ASIC2: variants seen among roughly 807,000 people sequenced by gnomAD.
The protein encoded by ASIC2 is acid sensing ion channel subunit 2.
A neutral mutation model predicts 57.3 loss-of-function variants in ASIC2; 25 were observed. The observed-to-expected ratio is 0.44, with a 90% confidence interval of 0.32 to 0.61. The LOEUF (loss-of-function observed/expected upper bound fraction) is 0.61, where lower values mean the gene tolerates loss of function less well. Ranked by LOEUF, ASIC2 falls within the 20% of genes least tolerant of loss-of-function variation. The pLI is 0.06. For missense variants in ASIC2, 641 were observed against 738.1 expected (o/e 0.87, Z 1.52); for synonymous variants, 319 against 307.5 (o/e 1.04, Z -0.39).
chr17:33,888,332 T>G (rs540205451), intron 1 of ASIC2, among the ~76,000 whole-genome samples: 1 of 151,902 alleles, frequency 6.6e-6, no homozygotes, highest in African/African-American at 2.4e-5. Flanking sequence ...AGTGTGGGGG[T>G]GCTGCAAGCT....
chr17:33,349,506 C>T (rs1908077916), intron 1 of ASIC2, among the ~76,000 whole-genome samples: 1 of 152,152 alleles, frequency 6.6e-6, no homozygotes, highest in Admixed American at 6.5e-5. Flanking sequence ...GATGCCCTAC[C>T]AGGCCACCTT....
chr17:33,393,809 T>TAAGAGTCC (rs1480567011), intron 1 of ASIC2, among the ~76,000 whole-genome samples: 1 of 152,160 alleles, frequency 6.6e-6, no homozygotes, highest in Non-Finnish European at 1.5e-5. Flanking sequence ...CCATGATGTC[T>TAAGAGTCC]AAGAGTCCAA....
intron 1 of ASIC2, among the ~76,000 whole-genome samples, chr17:33,711,212 G>T (rs1909023856): frequency 6.6e-6 from 1 of 152,204 alleles, no homozygotes; most frequent in East Asian, 1.9e-4. Flanking sequence ...GCCCAGCCTG[G>T]AGCCCATTCT....
intron 1 of ASIC2, among the ~76,000 whole-genome samples, chr17:34,095,528 T>C (rs1910485589): frequency 6.6e-6 from 1 of 150,848 alleles, no homozygotes; most frequent in South Asian, 2.1e-4. Flanking sequence ...TAATTTTCCA[T>C]GATGCTTTAT....
chr17:33,765,468 C>T (rs1245480623), intron 1 of ASIC2, among the ~76,000 whole-genome samples: 1 of 152,144 alleles, frequency 6.6e-6, no homozygotes, highest in Non-Finnish European at 1.5e-5. Flanking sequence ...ACAAACCAAC[C>T]TTATCAACCC....
intron 1 of ASIC2, among the ~76,000 whole-genome samples, chr17:34,057,073 C>CATTT (rs1270176257): frequency 1.3e-5 from 2 of 152,286 alleles, no homozygotes; most frequent in East Asian, 3.9e-4. Context: ...TCTATTCATT[C>CATTT]ATTTATTCAT....
chr17:33,262,435 G>A (rs1302861852), intron 1 of ASIC2, among the ~76,000 whole-genome samples: 1 of 151,702 alleles, frequency 6.6e-6, no homozygotes, highest in Non-Finnish European at 1.5e-5. Context: ...AGGAGGAAGG[G>A]AGGGAGGAAG....
upstream of ASIC2, among the ~76,000 whole-genome samples, chr17:33,295,527 C>T (rs1905687783): frequency 6.6e-6 from 1 of 152,200 alleles, no homozygotes; most frequent in Admixed American, 6.5e-5. Flanking sequence ...CCCAGACAAA[C>T]TTGGGTCATG....
intron 1 of ASIC2, among the ~76,000 whole-genome samples, chr17:33,803,562 T>G (rs1912189903): frequency 6.6e-6 from 1 of 151,858 alleles, no homozygotes; most frequent in African/African-American, 2.4e-5. Flanking sequence ...AAAGCCCTGG[T>G]TAAGACCAAC....
chr17:33,939,948 G>A (rs1452295000), intron 1 of ASIC2, among the ~76,000 whole-genome samples: 1 of 152,156 alleles, frequency 6.6e-6, no homozygotes, highest in East Asian at 1.9e-4. Flanking sequence ...CAGGGTATCG[G>A]TCATCTCATC....
At chr17:33,772,313 T>C (rs1346737939) in intron 1 of ASIC2, among the ~76,000 whole-genome samples, 8 of 152,218 alleles carry the variant, frequency 5.3e-5, no homozygotes, top group Non-Finnish European at 4.4e-5. Context: ...TGCTGGGTTT[T>C]CCTAAGCAGT....
At chr17:33,147,110 G>A (rs1904594486) in intron 1 of ASIC2, among the ~76,000 whole-genome samples, 1 of 152,132 alleles carries the variant, frequency 6.6e-6, no homozygotes, top group South Asian at 2.1e-4. Flanking sequence ...GTAAGGCTAG[G>A]TAAACTGGAC....
At chr17:33,539,380 C>T (rs1915335261) in intron 1 of ASIC2, among the ~76,000 whole-genome samples, 1 of 152,254 alleles carries the variant, frequency 6.6e-6, no homozygotes, top group African/African-American at 2.4e-5. Context: ...CTAGCACCTT[C>T]CATGCTAACA....
chr17:33,596,482 A>G (rs1904981967), intron 1 of ASIC2, among the ~76,000 whole-genome samples: 1 of 152,094 alleles, frequency 6.6e-6, no homozygotes, highest in Non-Finnish European at 1.5e-5. Context: ...GAATAAAGTT[A>G]TTTGCTCTCT....
chr17:33,528,167 G>GGTTGTGTGTGTGTGTGTGTGT (rs1914941587), intron 1 of ASIC2, among the ~76,000 whole-genome samples: 1 of 143,406 alleles, frequency 7.0e-6, no homozygotes, highest in African/African-American at 2.6e-5. Context: ...GTATGTGGTA[G>GGTTGTGTGTGTGTGTGTGTGT]GTGTGTGTGT....
chr17:33,932,741 A>AAAAAATATATATATATATATAT (rs1555572867), intron 1 of ASIC2: 7 of 58,688 alleles, frequency 1.2e-4, no homozygotes, highest in East Asian at 8.4e-4. Flanking sequence ...AAAAAAAAAA[A>AAAAAATATATATATATATATAT]ATATATATAT....
intron 2 of ASIC2, among the ~76,000 whole-genome samples, chr17:33,090,311 C>T (rs747158418): frequency 2.6e-5 from 4 of 152,228 alleles, no homozygotes; most frequent in Non-Finnish European, 4.4e-5. Flanking sequence ...CATAGCACAT[C>T]GTGATGAGGC....
At chr17:34,073,948 T>C (rs1315598875) in intron 1 of ASIC2, among the ~76,000 whole-genome samples, 1 of 152,196 alleles carries the variant, frequency 6.6e-6, no homozygotes, top group Non-Finnish European at 1.5e-5. Context: ...AGGCTCTAAA[T>C]GTCTCTCTCC....
At chr17:34,050,056 T>C (rs1908496452) in intron 1 of ASIC2, among the ~76,000 whole-genome samples, 1 of 152,214 alleles carries the variant, frequency 6.6e-6, no homozygotes. Context: ...GCAAAGATAC[T>C]GGAATGATTT....
Sources: gnomAD v4.1 joint callset for allele counts (sites outside exome capture counted in the v4.1 genomes callset) on GRCh38, gnomAD v4.1.1 for gene constraint, MANE v1.5 for transcripts, NCBI Gene and HGNC (gene_info 2026-07-23, HGNC 2026-07-21) for gene names.